LCP2: variants seen among roughly 807,000 people sequenced by gnomAD.
The protein encoded by LCP2 is 76 kDa tyrosine phosphoprotein.
A neutral mutation model predicts 74.5 loss-of-function variants in LCP2; 29 were observed. The ratio of observed to expected loss-of-function variants is 0.39; its 90% CI spans 0.29 to 0.53. The LOEUF (loss-of-function observed/expected upper bound fraction) is 0.53, where lower values mean the gene tolerates loss of function less well. Among genes scored for constraint, LCP2 ranks in the 20% least tolerant of loss-of-function variants. LCP2 has a pLI of 0.72. For synonymous variants in LCP2, 228 were observed against 229.5 expected (o/e 0.99, Z 0.06); for missense variants, 604 against 634.6 (o/e 0.95, Z 0.52).
intron 6 of LCP2, among the ~76,000 whole-genome samples, chr5:170,272,402 C>T (rs987745695): frequency 2.0e-5 from 3 of 152,110 alleles, no homozygotes; most frequent in Non-Finnish European, 1.5e-5. Context: ...CATCAGTGAC[C>T]TAAACCTTAC....
intron 14 of LCP2, among the ~76,000 whole-genome samples, chr5:170,260,045 A>T (rs1024380541): frequency 1.3e-5 from 2 of 152,178 alleles, no homozygotes; most frequent in African/African-American, 4.8e-5. Flanking sequence ...CTCCGTGGGC[A>T]CTGGTATCCA....
intron 6 of LCP2, among the ~76,000 whole-genome samples, chr5:170,273,369 C>G (rs1761930370): frequency 6.6e-6 from 1 of 152,206 alleles, no homozygotes; most frequent in African/African-American, 2.4e-5. Flanking sequence ...CAAATTCCTT[C>G]ATTTTCAGGT....
chr5:170,274,828 G>A (rs1438142433), intron 5 of LCP2, among the ~76,000 whole-genome samples: 1 of 151,878 alleles, frequency 6.6e-6, no homozygotes, highest in Non-Finnish European at 1.5e-5. Context: ...TACAAAAAAA[G>A]TAGCTGGGCA....
chr5:170,257,925 A>G (rs992475281), intron 16 of LCP2, 112 bp downstream of exon 16: 1 of 1,199,098 alleles, frequency 8.3e-7, no homozygotes, highest in Admixed American at 1.9e-5. Flanking sequence ...AAATGTTCAG[A>G]CCCTACTATC....
At chr5:170,285,256 T>G (rs1198718365) in intron 3 of LCP2, among the ~76,000 whole-genome samples, 1 of 152,228 alleles carries the variant, frequency 6.6e-6, no homozygotes, top group Non-Finnish European at 1.5e-5. Flanking sequence ...TTTGAATTTC[T>G]TATGCCCAAA....
intron 10 of LCP2, among the ~76,000 whole-genome samples, chr5:170,265,171 T>A (rs1358718026): frequency 6.6e-6 from 1 of 152,002 alleles, no homozygotes; most frequent in Non-Finnish European, 1.5e-5. Flanking sequence ...GTATTTTTAA[T>A]AGAGACGGGG....
chr5:170,275,402 C>A, intron 4 of LCP2, 51 bp from the exon 5 acceptor site: 1 of 1,601,752 alleles, frequency 6.2e-7, no homozygotes. Context: ...TTAAGGGGAT[C>A]TCCCTCTTTC....
chr5:170,256,390 A>G lies in LCP2; in HGVS notation c.1150+136T>C. On this transcript the variant is annotated intron_variant, in intron 17 of 20. Coordinates refer to ENST00000046794, the MANE Select transcript of LCP2 (RefSeq NM_005565.5). The surrounding 1 kb of genome is among the most constrained non-coding windows in gnomAD (Gnocchi z 4.5). ...AGCCCTTGGCACACTGCAGACACGGAATTAAATGTTGAATGAGGAAATCAG... is the reference window on the plus strand; with the variant it reads ...AGCCCTTGGCACACTGCAGACACGGGATTAAATGTTGAATGAGGAAATCAG... The G allele has an allele frequency of 1.4e-6, 1 of 732,200 alleles. No individual in the cohort carries two copies. The highest frequency in any genetic ancestry group is 2.4e-6 in the Non-Finnish European group (1 of 414,922). 45.4% of individuals were successfully genotyped at this position (732,200 alleles called of 1,614,324 possible). A position where few individuals can be genotyped will look rare whatever the true frequency, so the allele number is the denominator to read the frequency against.
chr5:170,260,307 C>A (rs1487440789), intron 14 of LCP2, among the ~76,000 whole-genome samples: 1 of 152,214 alleles, frequency 6.6e-6, no homozygotes, highest in Non-Finnish European at 1.5e-5. Context: ...TCGGAACAAG[C>A]ACAGCATCTA....
rs1257375304 is a variant in LCP2, at chr5:170,290,939, G to GAAAGAAAGAAAGA, written c.141+2358_141+2370dup. Among the ~76,000 whole-genome samples the GAAAGAAAGAAAGA allele has an allele frequency of 2.6e-3, 311 of 117,472 alleles. 2 individuals carry two copies. Among genetic ancestry groups the GAAAGAAAGAAAGA allele is most frequent in the African/African-American group, 4.6e-3 (135 of 29,286 alleles). The allele number at this position is 117,472 out of a possible 152,430, so 77.1% of individuals were successfully genotyped here. On this transcript the variant is annotated intron_variant, in intron 2 of 20. Coordinates refer to ENST00000046794, the MANE Select transcript of LCP2 (RefSeq NM_005565.5). ...GTAAAGAAAGAAGAGAGAGAAAGAA[G>GAAAGAAAGAAAGA]AAAGAAAGAAAGAAAAGAAAGAAAG...
intron 1 of LCP2, 102 bp from the exon 2 acceptor site, chr5:170,293,474 G>C (rs1283093856): frequency 9.1e-6 from 10 of 1,099,458 alleles, no homozygotes; most frequent in African/African-American, 1.6e-5. Context: ...CGGTACTTGT[G>C]GCTAGCCAGG....
At chr5:170,272,142 C>T (rs1340130141) in intron 6 of LCP2, among the ~76,000 whole-genome samples, 1 of 152,170 alleles carries the variant, frequency 6.6e-6, no homozygotes, top group Non-Finnish European at 1.5e-5. Flanking sequence ...GCTGCTGACC[C>T]TTTCCTCACC....
intron 1 of LCP2, among the ~76,000 whole-genome samples, chr5:170,295,658 C>A (rs1762364868): frequency 6.6e-6 from 1 of 152,208 alleles, no homozygotes. Context: ...TGTTTGACAG[C>A]TAAGATCCAT....
Position 170,250,807 on chromosome 5 carries a change from TATCTTTGTACAACACC to T in LCP2, c.1386_1401del (p.Met462IlefsTer60). On this transcript the variant is annotated frameshift_variant, in exon 20 of 21. Transcript: ENST00000046794. LOFTEE classifies it high-confidence loss of function. Reference sequence around the variant, plus strand: ...TAACGGATCTGGATGTTGTAAACTTTATCTTTGTACAACACCATGAGGACATATGGATTGGTTGTTG... The same window carrying T: ...TAACGGATCTGGATGTTGTAAACTTTATGAGGACATATGGATTGGTTGTTG... 1 of 1,612,152 alleles carries T rather than the reference TATCTTTGTACAACACC, an allele frequency of 6.2e-7. No individual in the cohort carries two copies. Among genetic ancestry groups the T allele is most frequent in the Non-Finnish European group, 8.5e-7 (1 of 1,178,172 alleles).
chr5:170,286,623 G>A (rs1762186727), intron 3 of LCP2, among the ~76,000 whole-genome samples: 1 of 152,190 alleles, frequency 6.6e-6, no homozygotes, highest in South Asian at 2.1e-4. Flanking sequence ...GTGGTTAGAG[G>A]ATATCCTTAG....
At chr5:170,253,025 G>C (rs1761479934) in intron 18 of LCP2, 94 bp downstream of exon 18, 1 of 737,990 alleles carries the variant, frequency 1.4e-6, no homozygotes. Flanking sequence ...ACAAAGGGAA[G>C]ATAAAAGTAC....
chr5:170,291,373 C>A (rs968959166), intron 2 of LCP2, among the ~76,000 whole-genome samples: 3 of 152,174 alleles, frequency 2.0e-5, no homozygotes, highest in Non-Finnish European at 2.9e-5. Flanking sequence ...ACCCAGTGCA[C>A]TAGGGGTGGA....
chr5:170,276,122 G>A (rs897452991), intron 3 of LCP2, among the ~76,000 whole-genome samples: 2 of 152,160 alleles, frequency 1.3e-5, no homozygotes, highest in Non-Finnish European at 2.9e-5. Context: ...AGCCTTCCAA[G>A]TCCAGCTCAG....
At chr5:170,276,683 T>G (rs910191927) in intron 3 of LCP2, among the ~76,000 whole-genome samples, 2 of 152,072 alleles carry the variant, frequency 1.3e-5, no homozygotes, top group Admixed American at 6.5e-5. Flanking sequence ...TCCATTCCAA[T>G]CTCTCAGATA....
Sources: gnomAD v4.1 joint callset for allele counts (sites outside exome capture counted in the v4.1 genomes callset) on GRCh38, gnomAD v4.1.1 for gene constraint, Gnocchi (gnomAD v3.1) non-coding constraint, MANE v1.5 for transcripts, NCBI Gene and HGNC (gene_info 2026-07-23, HGNC 2026-07-21) for gene names.